Variants in RTN3 observed in about 807,000 individuals in gnomAD.
RTN3 encodes reticulon 3.
Under a neutral mutation model 77.8 loss-of-function variants are expected in RTN3, and 49 were observed. The ratio of observed to expected loss-of-function variants is 0.63; its 90% CI spans 0.50 to 0.80. The LOEUF (loss-of-function observed/expected upper bound fraction) is 0.80. Among genes scored for constraint, RTN3 ranks in the 30% least tolerant of loss-of-function variants. The pLI is 0.00. For synonymous variants in RTN3, 464 were observed against 446.9 expected, an observed-to-expected ratio of 1.04 and a Z score of -0.48; for missense variants, 1,236 against 1,211.9, an observed-to-expected ratio of 1.02 and a Z score of -0.29.
Position 63,702,472 on chromosome 11 carries a change from G to A in RTN3, c.143-2379G>A, listed in dbSNP as rs520640. On this transcript the variant is annotated intron_variant, in intron 1 of 8. Coordinates refer to ENST00000377819, the MANE Select transcript of RTN3 (RefSeq NM_001265589.2). ...TGGGATTACAGGCACGTGCCACCACGCCTGGCTAATTTTTTGTATCTTTAG... is the reference window on the plus strand; with the variant it reads ...TGGGATTACAGGCACGTGCCACCACACCTGGCTAATTTTTTGTATCTTTAG... Among the ~76,000 whole-genome samples, 999 of 151,226 alleles carry A rather than the reference G, an allele frequency of 6.6e-3. 11 individuals are homozygous for A. Among genetic ancestry groups the A allele is most frequent in the African/African-American group, 0.023 (942 of 41,294 alleles).
At chr11:63,748,268 A>G (rs1442482738) in intron 3 of RTN3, among the ~76,000 whole-genome samples, 1 of 150,294 alleles carries the variant, frequency 6.7e-6, no homozygotes, top group African/African-American at 2.5e-5. Flanking sequence ...TAGATCTTAC[A>G]GTTGGGGACT....
chr11:63,729,625 T>C (rs973934469), intron 3 of RTN3, among the ~76,000 whole-genome samples: 3 of 151,394 alleles, frequency 2.0e-5, no homozygotes, highest in African/African-American at 7.3e-5. Flanking sequence ...ACCTAGCTAA[T>C]TTTTTTATTT....
At chr11:63,731,345 A>T (rs893648587) in intron 3 of RTN3, among the ~76,000 whole-genome samples, 3 of 152,032 alleles carry the variant, frequency 2.0e-5, no homozygotes, top group African/African-American at 4.8e-5. Context: ...CTCCCAAAGT[A>T]CTGGGATTAT....
chr11:63,703,807 G>T (rs1942365346), intron 1 of RTN3, among the ~76,000 whole-genome samples: 1 of 151,978 alleles, frequency 6.6e-6, no homozygotes, highest in Non-Finnish European at 1.5e-5. Context: ...CTCCCAAAGT[G>T]CTGGGATTAC....
intron 2 of RTN3, among the ~76,000 whole-genome samples, chr11:63,710,619 G>GT (rs1565313970): frequency 6.6e-6 from 1 of 152,160 alleles, no homozygotes; most frequent in Non-Finnish European, 1.5e-5. Flanking sequence ...AGGAGAAGCC[G>GT]TGACAGTGGC....
chr11:63,724,968 T>TG (rs58250484), intron 3 of RTN3, among the ~76,000 whole-genome samples: 1 of 152,120 alleles, frequency 6.6e-6, no homozygotes, highest in East Asian at 1.9e-4. Flanking sequence ...AGTTTTGTTT[T>TG]TTTTTTTTTT....
Position 63,720,750 on chromosome 11 carries a change from G to C in RTN3, c.2248G>C (p.Glu750Gln), listed in dbSNP as rs1214010436. 1.9e-6 allele frequency: 3 copies of C among 1,614,018 alleles called. No individual in the cohort carries two copies. The highest frequency in any genetic ancestry group is 1.7e-5 in the Admixed American group (1 of 60,000). Reference protein sequence around the residue: ...QEQLTIKALKELGERQVEKST... With the variant: ...QEQLTIKALKQLGERQVEKST... ...ACAGCTCACAATTAAGGCTCTTAAA[G>C]AATTAGGTGAAAGACAGGTTGAGAA... is the stretch of plus-strand genomic sequence containing the variant. The change falls in exon 3 of 9, where the codon GAA (glutamate) becomes CAA (glutamine). Residue 750 changes from glutamate (E) to glutamine (Q), a missense_variant. This residue lies in a region of RTN3 where 1,056 missense variants were observed against 990.4 expected (regional missense o/e 1.07). Transcript: ENST00000377819.
chr11:63,724,307 C>G (rs1183240762), intron 3 of RTN3, among the ~76,000 whole-genome samples: 7 of 149,760 alleles, frequency 4.7e-5, no homozygotes, highest in African/African-American at 1.7e-4. Context: ...CTCAGCCTCC[C>G]GAGTAGCTGG....
chr11:63,733,896 G>GA (rs112000279), intron 3 of RTN3, among the ~76,000 whole-genome samples: 158 of 143,178 alleles, frequency 1.1e-3, no homozygotes, highest in African/African-American at 3.7e-3. Context: ...GCCTCAAAAA[G>GA]AAAAAAAAAC....
At chr11:63,714,110 T>C (rs1347527957) in intron 2 of RTN3, 6 of 478,780 alleles carry the variant, frequency 1.3e-5, no homozygotes, top group Admixed American at 6.7e-5. Flanking sequence ...TTATAAACTT[T>C]TTACTTCCAG....
At chr11:63,750,395 C>A in intron 4 of RTN3, 197 bp downstream of exon 4, 2 of 548,308 alleles carry the variant, frequency 3.6e-6, no homozygotes, top group Admixed American at 3.3e-5. Context: ...AACTTTTTGA[C>A]AAATTAGAGG....
At position 63,709,182 on chromosome 11, in the gene RTN3, G is replaced by C. The variant is rs529805929; in HGVS notation, c.199+4275G>C. ...ATTTTAGGGTTTAGACTTCTTTTTA[G>C]AGATGGCATTTTGAAGTTAATATTA... is the stretch of plus-strand genomic sequence containing the variant. On this transcript the variant is annotated intron_variant, in intron 2 of 8. Coordinates refer to ENST00000377819, the MANE Select transcript of RTN3 (RefSeq NM_001265589.2). 2.0e-5 allele frequency among the ~76,000 whole-genome samples: 3 copies of C among 152,242 alleles called. No homozygotes were observed. The East Asian group carries it at 5.8e-4, about 29-fold the overall frequency.
intron 3 of RTN3, among the ~76,000 whole-genome samples, chr11:63,729,379 G>A (rs1590853126): frequency 6.7e-6 from 1 of 149,502 alleles, no homozygotes. Context: ...TTATTTCTTA[G>A]GACAATTATA....
intron 8 of RTN3, among the ~76,000 whole-genome samples, 197 bp from the exon 9 acceptor site, chr11:63,757,959 G>A (rs1357276924): frequency 1.3e-5 from 2 of 151,998 alleles, no homozygotes; most frequent in Non-Finnish European, 2.9e-5. Flanking sequence ...TTCAACTCCT[G>A]ACCTCATGAT....
chr11:63,735,550 TTCTCTCTCTCTCTCTCTCTCTC>T lies in RTN3; in HGVS notation c.2531-14411_2531-14390del, dbSNP rs71468640. On this transcript the variant is annotated intron_variant, in intron 3 of 8. Coordinates refer to ENST00000377819, the MANE Select transcript of RTN3 (RefSeq NM_001265589.2). ...AATTCAAAGTCCCAGATTCTAACATTTCTCTCTCTCTCTCTCTCTCTCTCTCTCTCTCTCTCTCTCTCTCTCT... is the reference window on the plus strand; with the variant it reads ...AATTCAAAGTCCCAGATTCTAACATTTCTCTCTCTCTCTCTCTCTCTCTCT... Among the ~76,000 whole-genome samples the T allele has an allele frequency of 3.3e-4, 14 of 42,686 alleles. No individual in the cohort carries two copies. In the South Asian group the frequency reaches 4.4e-3, roughly 13 times the overall value. 28.0% of individuals were successfully genotyped at this position (42,686 alleles called of 152,430 possible).
chr11:63,694,355 T>C lies in RTN3; in HGVS notation c.143-10496T>C, dbSNP rs187089930. 3.6e-3 allele frequency among the ~76,000 whole-genome samples: 555 copies of C among 152,200 alleles called. 21 individuals carry two copies. In the East Asian group the frequency reaches 0.097, roughly 27 times the overall value. On this transcript the variant is annotated intron_variant, in intron 1 of 8. Transcript: ENST00000377819. Reference sequence around the variant, plus strand: ...CCACGTCCGGCTAATTTTGTATTTTTAGTAGAGACGGGGTTTCTCCATGTT... The same window carrying C: ...CCACGTCCGGCTAATTTTGTATTTTCAGTAGAGACGGGGTTTCTCCATGTT...
At position 63,681,526 on chromosome 11, in the gene RTN3, A is replaced by G. The variant is rs867031238; in HGVS notation, c.-111A>G. ...GTCTGTCGGAGTCTGTCCTCGGAGC[A>G]GGCGGAGTAAAGGGACTTGAGCGAG... On this transcript the variant is annotated 5_prime_UTR_variant, in exon 1 of 9. Coordinates refer to ENST00000377819, the MANE Select transcript of RTN3 (RefSeq NM_001265589.2). 7.9e-6 allele frequency: 9 copies of G among 1,144,276 alleles called. No individual in the cohort carries two copies. The highest frequency in any genetic ancestry group is 6.2e-4 in the Middle Eastern group (2 of 3,232). The allele number at this position is 1,144,276 out of a possible 1,614,324, so 70.9% of individuals were successfully genotyped here. A position where few individuals can be genotyped will look rare whatever the true frequency, so the allele number is the denominator to read the frequency against.
chr11:63,705,989 A>C (rs1054220307), intron 2 of RTN3, among the ~76,000 whole-genome samples: 2 of 152,266 alleles, frequency 1.3e-5, no homozygotes, highest in African/African-American at 4.8e-5. Context: ...AGGAAAAAGT[A>C]ATTAAAATCA....
chr11:63,721,611 T>C (rs2011815527), intron 3 of RTN3, among the ~76,000 whole-genome samples: 1 of 151,252 alleles, frequency 6.6e-6, no homozygotes. Context: ...TTTTCTATGC[T>C]CCAGTTATAT....
Sources: gnomAD v4.1 joint callset for allele counts (sites outside exome capture counted in the v4.1 genomes callset) on GRCh38, gnomAD v4.1.1 for gene constraint, gnomAD v4.1.1 regional missense constraint, MANE v1.5 for transcripts, NCBI Gene and HGNC (gene_info 2026-07-23, HGNC 2026-07-21) for gene names.